The following NEUROG3 variants were observed in gnomAD, a reference collection of about 807,000 sequenced individuals.
NEUROG3 encodes the protein neurogenin-3.
For synonymous variants in NEUROG3, 161 were observed against 139.2 expected (o/e 1.16, Z -1.10); for missense variants, 307 against 297.9 (o/e 1.03, Z -0.22).
chr10:69,572,455 C>T lies in NEUROG3; in HGVS notation c.589G>A (p.Ala197Thr). 1.3e-6 allele frequency: 2 copies of T among 1,587,594 alleles called. No individual in the cohort carries two copies. Among genetic ancestry groups the T allele is most frequent in the Non-Finnish European group, 1.7e-6 (2 of 1,168,782 alleles). The change falls in exon 2 of 2, where the codon GCC becomes ACC. Residue 197 changes from alanine (A) to threonine (T), a missense_variant. By Grantham distance (58) the Ala-to-Thr change is moderately conservative (BLOSUM62 0). Coordinates refer to ENST00000242462, the MANE Select transcript of NEUROG3 (RefSeq NM_020999.4). ...GGGCTCAAGCAGGCGGAAAAGGTGG[C>T]CCCCAGCAGCCCGGGTCGCTCCTCC... is the stretch of plus-strand genomic sequence containing the variant. ...SLEERPGLLGATFSACLSPGS... is the reference protein window; with the variant it reads ...SLEERPGLLGTTFSACLSPGS...
rs777111675 is a variant in NEUROG3, at chr10:69,573,055, G to C, written c.-1-11C>G. The C allele has an allele frequency of 5.0e-6, 8 of 1,612,292 alleles. No homozygotes were observed. The highest frequency in any genetic ancestry group is 6.8e-6 in the Non-Finnish European group (8 of 1,179,584). Reference sequence around the variant, plus strand: ...GGTTGAGGCGTCATCCTACGGCGGGGTCAGAGGGAAGGGTAAGTTTGAGTC... The same window carrying C: ...GGTTGAGGCGTCATCCTACGGCGGGCTCAGAGGGAAGGGTAAGTTTGAGTC... On this transcript the variant is annotated splice_polypyrimidine_tract_variant and intron_variant, in intron 1 of 1. Coordinates refer to ENST00000242462, the MANE Select transcript of NEUROG3 (RefSeq NM_020999.4).
chr10:69,572,318 C>A lies in NEUROG3; in HGVS notation c.*81G>T, dbSNP rs1839221177. 6.8e-7 allele frequency: 1 copy of A among 1,479,042 alleles called. No homozygotes were observed. The highest frequency in any genetic ancestry group is 2.0e-5 in the Admixed American group (1 of 50,230). 91.6% of individuals were successfully genotyped at this position (1,479,042 alleles called of 1,614,324 possible). ...AACAAGTGCTTTTGAGGGCCGCCGC[C>A]GTCGGCCACCCTCTACGGCTCCCGG... On this transcript the variant is annotated 3_prime_UTR_variant, in exon 2 of 2. Coordinates refer to ENST00000242462, the MANE Select transcript of NEUROG3 (RefSeq NM_020999.4).
chr10:69,572,190 G>A lies in NEUROG3; in HGVS notation c.*209C>T, dbSNP rs1463421244. ...CCACTTCGCGCGGGCAGCAGCAAGG[G>A]TTGCGTGCGTTGGCGCGGCTCGGAG... On this transcript the variant is annotated 3_prime_UTR_variant, in exon 2 of 2. Coordinates refer to ENST00000242462, the MANE Select transcript of NEUROG3 (RefSeq NM_020999.4). 9 of 620,600 alleles carry A rather than the reference G, an allele frequency of 1.5e-5. No homozygotes were observed. The highest frequency in any genetic ancestry group is 2.5e-5 in the Non-Finnish European group (9 of 356,052). The allele number at this position is 620,600 out of a possible 1,614,324, so 38.4% of individuals were successfully genotyped here.
In NEUROG3 at chr10:69,572,369, C is replaced by T. The variant is rs1019348090; in HGVS notation, c.*30G>A. On this transcript the variant is annotated 3_prime_UTR_variant, in exon 2 of 2. Coordinates refer to ENST00000242462, the MANE Select transcript of NEUROG3 (RefSeq NM_020999.4). ...CTCCCTCCCTCTCCCTTACCCTTAGCACCCACAGCCCAGCGACAGACAGGT... is the reference window on the plus strand; with the variant it reads ...CTCCCTCCCTCTCCCTTACCCTTAGTACCCACAGCCCAGCGACAGACAGGT... 6.3e-7 allele frequency: 1 copy of T among 1,575,270 alleles called. No individual in the cohort carries two copies. The highest frequency in any genetic ancestry group is 1.3e-5 in the African/African-American group (1 of 74,246).
Position 69,572,225 on chromosome 10 carries a change from A to C in NEUROG3, c.*174T>G. The C allele has an allele frequency of 3.1e-5, 22 of 715,382 alleles. No homozygotes were observed. The highest frequency in any genetic ancestry group is 4.8e-5 in the Non-Finnish European group (21 of 441,974). The allele number at this position is 715,382 out of a possible 1,614,324, so 44.3% of individuals were successfully genotyped here. On this transcript the variant is annotated 3_prime_UTR_variant, in exon 2 of 2. Coordinates refer to ENST00000242462, the MANE Select transcript of NEUROG3 (RefSeq NM_020999.4). The stretch of plus-strand genomic sequence containing the variant: ...TTGGCGCGGCTCGGAGGGCCGGGGA[A>C]TGAACCCAGCCTGCCGCCCCCGTGG...
At position 69,572,416 on chromosome 10, in the gene NEUROG3, A is replaced by G. The variant is rs1361548717; in HGVS notation, c.628T>C (p.Phe210Leu). Residue 210 changes from phenylalanine (F) to leucine (L), a missense_variant, in exon 2 of 2, where the codon TTC becomes CTC. By Grantham distance (22) the Phe-to-Leu change is conservative. Coordinates refer to ENST00000242462, the MANE Select transcript of NEUROG3 (RefSeq NM_020999.4). ...AGGTCCTTTCACAGAAAATCTGAGAAAGCCAGACTGCCTGGGCTCAAGCAG... is the reference window on the plus strand; with the variant it reads ...AGGTCCTTTCACAGAAAATCTGAGAGAGCCAGACTGCCTGGGCTCAAGCAG... ...SACLSPGSLA[F>L]SDFL is the part of the protein sequence containing the mutation. 5.7e-6 allele frequency: 9 copies of G among 1,588,310 alleles called. No homozygotes were observed. The highest frequency in any genetic ancestry group is 7.7e-6 in the Non-Finnish European group (9 of 1,173,044).
Position 69,572,269 on chromosome 10 carries a change from G to T in NEUROG3, c.*130C>A. 3 of 1,117,048 alleles carry T rather than the reference G, an allele frequency of 2.7e-6. No homozygotes were observed. Among genetic ancestry groups the T allele is most frequent in the Non-Finnish European group, 3.8e-6 (3 of 783,910 alleles). The allele number at this position is 1,117,048 out of a possible 1,614,324, so 69.2% of individuals were successfully genotyped here. A position where few individuals can be genotyped will look rare whatever the true frequency, so the allele number is the denominator to read the frequency against. The stretch of plus-strand genomic sequence containing the variant: ...CCCGTGGAGGCCTGGGCCGGCCAGG[G>T]GTCAGCCAGGGAGAAGCAGAAGGAA... On this transcript the variant is annotated 3_prime_UTR_variant, in exon 2 of 2. Coordinates refer to ENST00000242462, the MANE Select transcript of NEUROG3 (RefSeq NM_020999.4).
At position 69,572,803 on chromosome 10, in the gene NEUROG3, G is replaced by A; in HGVS notation, c.241C>T (p.Arg81Ter). ...TTGGCCTTCTTTCGCCGACTCCGTCGCTGCTTGCTCAGTGCCAACTCGCTC... is the reference window on the plus strand; with the variant it reads ...TTGGCCTTCTTTCGCCGACTCCGTCACTGCTTGCTCAGTGCCAACTCGCTC... ...PKSELALSKQ[R>*]RSRRKKANDR... The change falls in exon 2 of 2, where the codon CGA (arginine) becomes TGA (stop). Residue 81 changes from arginine to a stop codon, truncating the protein, a stop_gained. Coordinates refer to ENST00000242462, the MANE Select transcript of NEUROG3 (RefSeq NM_020999.4). LOFTEE classifies it low-confidence loss of function (END_TRUNC). The A allele has an allele frequency of 6.2e-7, 1 of 1,613,304 alleles. No homozygotes were observed. Among genetic ancestry groups the A allele is most frequent in the Non-Finnish European group, 8.5e-7 (1 of 1,179,708 alleles).
intron 1 of NEUROG3, 39 bp from the exon 2 acceptor site, chr10:69,573,083 T>G (rs1456762923): frequency 6.3e-7 from 1 of 1,595,250 alleles, no homozygotes. Flanking sequence ...TTTGAGTCCG[T>G]CACTGGGCGC....
chr10:69,573,068 G>A, intron 1 of NEUROG3, 24 bp from the exon 2 acceptor site: 1 of 1,606,854 alleles, frequency 6.2e-7, no homozygotes, highest in Non-Finnish European at 8.5e-7. Context: ...AGAGGGAAGG[G>A]TAAGTTTGAG....
In NEUROG3 at chr10:69,572,343, G is replaced by T; in HGVS notation, c.*56C>A. The T allele has an allele frequency of 6.5e-7, 1 of 1,546,962 alleles. No homozygotes were observed. Among genetic ancestry groups the T allele is most frequent in the Admixed American group, 1.9e-5 (1 of 53,988 alleles). On this transcript the variant is annotated 3_prime_UTR_variant, in exon 2 of 2. Coordinates refer to ENST00000242462, the MANE Select transcript of NEUROG3 (RefSeq NM_020999.4). ...CGTCGGCCACCCTCTACGGCTCCCG[G>T]CTCCCTCCCTCTCCCTTACCCTTAG...
Position 69,573,350 on chromosome 10 carries a change from G to C in NEUROG3, c.-142C>G, listed in dbSNP as rs10998862. The C allele has an allele frequency of 0.062, 31,255 of 506,872 alleles. 1,252 individuals carry two copies. Among genetic ancestry groups the C allele is most frequent in the East Asian group, 0.15 (4,351 of 28,166 alleles). The allele number at this position is 506,872 out of a possible 1,614,324, so 31.4% of individuals were successfully genotyped here. On this transcript the variant is annotated 5_prime_UTR_variant, in exon 1 of 2. Transcript: ENST00000242462. ...CCCAGCCCCAAAGGAGAAAAGAAGAGAGAATGGGGTCCGAGGCCTCTGTCA... is the reference window on the plus strand; with the variant it reads ...CCCAGCCCCAAAGGAGAAAAGAAGACAGAATGGGGTCCGAGGCCTCTGTCA...
chr10:69,572,927 G>C lies in NEUROG3; in HGVS notation c.117C>G (p.Pro39=). 1 of 1,612,588 alleles carries C rather than the reference G, an allele frequency of 6.2e-7. No homozygotes were observed. The highest frequency in any genetic ancestry group is 8.5e-7 in the Non-Finnish European group (1 of 1,179,888). The part of the protein sequence containing the change: ...VTCPTSAPPS[P]TRTRGNCAEA... ...CTGCGCAGTTCCCCCGTGTGCGAGT[G>C]GGGCTGGGCGGGGCGGACGTGGGGC... The change falls in exon 2 of 2, where the codon CCC becomes CCG. Residue 39 remains proline, a synonymous_variant. Transcript: ENST00000242462.
Position 69,572,364 on chromosome 10 carries a change from C to T in NEUROG3, c.*35G>A, listed in dbSNP as rs760471925. 3 of 1,572,858 alleles carry T rather than the reference C, an allele frequency of 1.9e-6. No homozygotes were observed. Among genetic ancestry groups the T allele is most frequent in the South Asian group, 1.1e-5 (1 of 87,476 alleles). On this transcript the variant is annotated 3_prime_UTR_variant, in exon 2 of 2. Transcript: ENST00000242462. ...CCCGGCTCCCTCCCTCTCCCTTACC[C>T]TTAGCACCCACAGCCCAGCGACAGA...
In NEUROG3 at chr10:69,573,049, G is replaced by C. The variant is rs780838828; in HGVS notation, c.-1-5C>G. The C allele has an allele frequency of 6.2e-7, 1 of 1,612,814 alleles. No homozygotes were observed. Among genetic ancestry groups the C allele is most frequent in the East Asian group, 2.2e-5 (1 of 44,848 alleles). On this transcript the variant is annotated splice_polypyrimidine_tract_variant and splice_region_variant and intron_variant, in intron 1 of 1. Transcript: ENST00000242462. ...CCCGAGGGTTGAGGCGTCATCCTAC[G>C]GCGGGGTCAGAGGGAAGGGTAAGTT...
At position 69,572,749 on chromosome 10, in the gene NEUROG3, G is replaced by A. The variant is rs1296013866; in HGVS notation, c.295C>T (p.Leu99Phe). Residue 99 changes from leucine (L) to phenylalanine (F), a missense_variant, in exon 2 of 2, where the codon CTC (leucine) becomes TTC (phenylalanine). Physicochemically the swap from Leu to Phe is conservative, Grantham distance 22. Transcript: ENST00000242462. ...NDRERNRMHN[L>F]NSALDALRGV... The stretch of plus-strand genomic sequence containing the variant: ...CGCAGGGCGTCCAGTGCCGAGTTGA[G>A]GTTGTGCATTCGATTGCGCTCGCGG... The A allele has an allele frequency of 6.2e-7, 1 of 1,614,124 alleles. No individual in the cohort carries two copies. The highest frequency in any genetic ancestry group is 8.5e-7 in the Non-Finnish European group (1 of 1,179,968).
In NEUROG3 at chr10:69,573,371, T is replaced by C; in HGVS notation, c.-163A>G. The C allele has an allele frequency of 4.7e-6, 2 of 424,614 alleles. No homozygotes were observed. Among genetic ancestry groups the C allele is most frequent in the East Asian group, 4.5e-5 (1 of 22,310 alleles). 26.3% of individuals were successfully genotyped at this position (424,614 alleles called of 1,614,324 possible). On this transcript the variant is annotated 5_prime_UTR_variant, in exon 1 of 2. Coordinates refer to ENST00000242462, the MANE Select transcript of NEUROG3 (RefSeq NM_020999.4). ...AAGAGAGAATGGGGTCCGAGGCCTC[T>C]GTCACGCTCTCTCTCGAGGCGCGGC...
In NEUROG3 at chr10:69,572,518, C is replaced by G. The variant is rs201453175; in HGVS notation, c.526G>C (p.Val176Leu). 77 of 1,597,990 alleles carry G rather than the reference C, an allele frequency of 4.8e-5. 1 individual carries two copies. The highest frequency in any genetic ancestry group is 3.4e-4 in the Middle Eastern group (2 of 5,844). The change falls in exon 2 of 2, where the codon GTC becomes CTC. Residue 176 changes from valine to leucine, a missense_variant. Transcript: ENST00000242462. The part of the protein sequence containing the change: ...PGDWGSLYSP[V>L]SQAGSLSPAA... Reference sequence around the variant, plus strand: ...GGACTCAGGCTGCCAGCCTGGGAGACTGGGGAGTAGAGGGACCCCCAGTCC... The same window carrying G: ...GGACTCAGGCTGCCAGCCTGGGAGAGTGGGGAGTAGAGGGACCCCCAGTCC...
rs1156608344 is a variant in NEUROG3, at chr10:69,572,806, G to C, written c.238C>G (p.Gln80Glu). The C allele has an allele frequency of 1.2e-6, 2 of 1,613,172 alleles. No homozygotes were observed. The highest frequency in any genetic ancestry group is 1.7e-6 in the Non-Finnish European group (2 of 1,179,624). ...RPKSELALSKQRRSRRKKAND... is the reference protein window; with the variant it reads ...RPKSELALSKERRSRRKKAND... Reference sequence around the variant, plus strand: ...GCCTTCTTTCGCCGACTCCGTCGCTGCTTGCTCAGTGCCAACTCGCTCTTA... The same window carrying C: ...GCCTTCTTTCGCCGACTCCGTCGCTCCTTGCTCAGTGCCAACTCGCTCTTA... The change falls in exon 2 of 2, where the codon CAG becomes GAG. Residue 80 changes from glutamine to glutamate, a missense_variant. By Grantham distance (29) the Gln-to-Glu change is conservative. Transcript: ENST00000242462.
Sources: allele counts gnomAD v4.1 joint callset, GRCh38; gene constraint gnomAD v4.1.1; transcripts MANE v1.5; gene names NCBI Gene and HGNC (gene_info 2026-07-23, HGNC 2026-07-21).